The following CDH13 variants were observed in gnomAD, a reference collection of about 807,000 sequenced individuals.
CDH13 encodes the protein cadherin 13.
Under a neutral mutation model 63.8 loss-of-function variants are expected in CDH13, and 24 were observed. The observed-to-expected ratio is 0.38, with a 90% CI of 0.27 to 0.53. CDH13 has a LOEUF of 0.53. Ranked by LOEUF, CDH13 falls within the 20% of genes least tolerant of loss-of-function variation. CDH13 has a pLI of 0.85. For synonymous variants in CDH13, 503 were observed against 355.3 expected, an observed-to-expected ratio of 1.42 and a Z score of -4.67; for missense variants, 1,049 against 903.1, an observed-to-expected ratio of 1.16 and a Z score of -2.07.
chr16:83,026,910 T>G (rs1262881774), intron 2 of CDH13, among the ~76,000 whole-genome samples: 1 of 152,174 alleles, frequency 6.6e-6, no homozygotes, highest in Non-Finnish European at 1.5e-5. Flanking sequence ...AGGTCAGAGC[T>G]AAGCAGAGCG....
At position 83,483,546 on chromosome 16, in the gene CDH13, C is replaced by T. The variant is rs148648388; in HGVS notation, c.782-2931C>T. ...ATGATGACTTCATTTTTATACCTTCCATGACTTCAATTAAAGGCAGATTAA... is the reference window on the plus strand; with the variant it reads ...ATGATGACTTCATTTTTATACCTTCTATGACTTCAATTAAAGGCAGATTAA... On this transcript the variant is annotated intron_variant, in intron 6 of 13. Transcript: ENST00000567109. Among the ~76,000 whole-genome samples the T allele has an allele frequency of 7.3e-5, 11 of 151,572 alleles. No individual in the cohort carries two copies. In the East Asian group the frequency reaches 2.1e-3, roughly 29 times the overall value.
chr16:82,678,465 A>T (rs1204075846), intron 1 of CDH13, among the ~76,000 whole-genome samples: 1 of 152,056 alleles, frequency 6.6e-6, no homozygotes, highest in Non-Finnish European at 1.5e-5. Context: ...GGAATAGGTT[A>T]TGTTTACCTT....
intron 1 of CDH13, among the ~76,000 whole-genome samples, chr16:82,793,024 C>G (rs998256170): frequency 1.3e-5 from 2 of 152,230 alleles, no homozygotes; most frequent in African/African-American, 4.8e-5. Context: ...GCAGACTTGA[C>G]TTTGGGCAGC....
intron 4 of CDH13, among the ~76,000 whole-genome samples, chr16:83,169,789 C>T (rs183226008): frequency 2.2e-4 from 34 of 152,170 alleles, no homozygotes; most frequent in Non-Finnish European, 1.2e-4. Flanking sequence ...AATCTTTAGA[C>T]AGATACAATA....
intron 5 of CDH13, among the ~76,000 whole-genome samples, chr16:83,256,026 T>C (rs1906218490): frequency 6.6e-6 from 1 of 152,196 alleles, no homozygotes; most frequent in Non-Finnish European, 1.5e-5. Flanking sequence ...ATAAATTAGC[T>C]CAATAAAAGT....
chr16:83,702,634 T>G (rs1906415695), intron 10 of CDH13, among the ~76,000 whole-genome samples: 1 of 152,016 alleles, frequency 6.6e-6, no homozygotes, highest in Non-Finnish European at 1.5e-5. Flanking sequence ...ACCACAGGAG[T>G]GCTTCTCATC....
intron 5 of CDH13, among the ~76,000 whole-genome samples, chr16:83,262,717 T>C (rs1160231539): frequency 6.6e-6 from 1 of 152,172 alleles, no homozygotes; most frequent in Non-Finnish European, 1.5e-5. Flanking sequence ...TAAAAATTCA[T>C]GAGATGGGTT....
chr16:83,312,275 G>A (rs1366163476), intron 5 of CDH13, among the ~76,000 whole-genome samples: 4 of 152,096 alleles, frequency 2.6e-5, no homozygotes, highest in Non-Finnish European at 5.9e-5. Context: ...GCTCTTATGT[G>A]AGCTGCTCAG....
chr16:82,716,841 C>A (rs1474753220), intron 1 of CDH13, among the ~76,000 whole-genome samples: 1 of 151,834 alleles, frequency 6.6e-6, no homozygotes, highest in East Asian at 2.0e-4. Context: ...TATAGATCTT[C>A]TTTGTCCTTT....
chr16:83,609,894 G>C (rs7205306), intron 8 of CDH13, among the ~76,000 whole-genome samples: 72,320 of 151,972 alleles, frequency 0.48, 18,887 homozygotes, highest in Non-Finnish European at 0.58. Context: ...ATTCCCCCAC[G>C]CTGGCCACCA....
intron 2 of CDH13, among the ~76,000 whole-genome samples, chr16:82,984,460 C>G (rs1359008908): frequency 6.6e-6 from 1 of 152,216 alleles, no homozygotes; most frequent in East Asian, 1.9e-4. Context: ...TTCAACTTCT[C>G]AGAACCTCAG....
intron 7 of CDH13, among the ~76,000 whole-genome samples, chr16:83,599,060 C>A (rs909459260): frequency 6.6e-6 from 1 of 152,272 alleles, no homozygotes; most frequent in Non-Finnish European, 1.5e-5. Context: ...GCCCCACCCA[C>A]CTGAACTGTA....
intron 8 of CDH13, among the ~76,000 whole-genome samples, chr16:83,666,709 C>G (rs562974015): frequency 1.3e-5 from 2 of 152,248 alleles, no homozygotes; most frequent in African/African-American, 4.8e-5. Flanking sequence ...CTTTCAGATG[C>G]CAGGTATGTT....
At chr16:83,511,479 T>C (rs2074564461) in intron 7 of CDH13, among the ~76,000 whole-genome samples, 2 of 151,846 alleles carry the variant, frequency 1.3e-5, no homozygotes, top group South Asian at 4.2e-4. Context: ...AAAAAAAGTT[T>C]CATACTTTCA....
intron 6 of CDH13, among the ~76,000 whole-genome samples, chr16:83,481,949 G>C (rs1277110508): frequency 6.6e-6 from 1 of 152,194 alleles, no homozygotes; most frequent in Non-Finnish European, 1.5e-5. Context: ...CATAAGAGGA[G>C]AGGCACAGGC....
intron 11 of CDH13, among the ~76,000 whole-genome samples, chr16:83,779,493 C>G (rs764721938): frequency 8.1e-6 from 1 of 123,192 alleles, no homozygotes; most frequent in Non-Finnish European, 1.6e-5. Flanking sequence ...CCAAAAAAAT[C>G]TATTATTGTT....
At chr16:83,389,545 C>A (rs188822377) in intron 6 of CDH13, among the ~76,000 whole-genome samples, 1 of 152,112 alleles carries the variant, frequency 6.6e-6, no homozygotes, top group African/African-American at 2.4e-5. Flanking sequence ...CTCCTCAATC[C>A]CTTTATTTTA....
At chr16:82,901,038 A>G (rs1208032657) in intron 2 of CDH13, among the ~76,000 whole-genome samples, 2 of 151,568 alleles carry the variant, frequency 1.3e-5, no homozygotes, top group East Asian at 2.0e-4. Flanking sequence ...AATGCCCCTC[A>G]TAAGGTTGTT....
intron 4 of CDH13, among the ~76,000 whole-genome samples, chr16:83,211,632 T>C (rs2039339381): frequency 6.6e-6 from 1 of 152,150 alleles, no homozygotes; most frequent in Non-Finnish European, 1.5e-5. Context: ...GTCACATCTG[T>C]AAAAGGCATA....
Sources: allele counts gnomAD v4.1 joint callset (sites outside exome capture counted in the v4.1 genomes callset), GRCh38; gene constraint gnomAD v4.1.1; transcripts MANE v1.5; gene names NCBI Gene and HGNC (gene_info 2026-07-23, HGNC 2026-07-21).